The following FAIM variants were observed in gnomAD, a reference collection of about 807,000 sequenced individuals.
FAIM encodes the protein fas apoptotic inhibitory molecule 1.
In FAIM, 14 loss-of-function variants were observed where a neutral mutation model predicts 21.2. The ratio of observed to expected loss-of-function variants is 0.66; its 90% CI spans 0.44 to 1.03. The LOEUF (loss-of-function observed/expected upper bound fraction) is 1.03. FAIM is among the 50% of genes least tolerant of loss of function. The pLI, the probability that FAIM is intolerant of heterozygous loss-of-function variation, is 0.00. For missense variants in FAIM, 222 were observed against 247.1 expected (o/e 0.90, Z 0.68); for synonymous variants, 86 against 80.4 (o/e 1.07, Z -0.37).
At chr3:138,629,016 T>C (rs2042972379) in intron 4 of FAIM, 91 bp from the exon 5 acceptor site, 1 of 967,252 alleles carries the variant, frequency 1.0e-6, no homozygotes, top group African/African-American at 1.8e-5. Context: ...ATCTGGTATA[T>C]CAATCCTTTC....
At chr3:138,609,588 TCTCGA>T in intron 1 of FAIM, among the ~76,000 whole-genome samples, 1 of 30,700 alleles carries the variant, frequency 3.3e-5, no homozygotes, top group Admixed American at 6.1e-4. Flanking sequence ...ACTCTCTCTC[TCTCGA>T]CTCTCTCTCT....
Position 138,633,218 on chromosome 3 carries a change from G to T in FAIM, c.*139G>T. 1.4e-6 allele frequency: 1 copy of T among 717,282 alleles called. No individual in the cohort carries two copies. 44.4% of individuals were successfully genotyped at this position (717,282 alleles called of 1,614,324 possible). On this transcript the variant is annotated 3_prime_UTR_variant, in exon 6 of 6. Transcript: ENST00000360570. ...AAGTTACATGAAACTAACATTCCAA[G>T]GGTCAGGAAAAAAACCAATTATGTA...
intron 4 of FAIM, among the ~76,000 whole-genome samples, chr3:138,626,858 C>G (rs774642974): frequency 6.6e-6 from 1 of 152,172 alleles, no homozygotes; most frequent in South Asian, 2.1e-4. Context: ...GAACATGTAG[C>G]CAAACTTTTG....
intron 1 of FAIM, among the ~76,000 whole-genome samples, chr3:138,618,647 G>A (rs1286482372): frequency 6.6e-6 from 1 of 152,190 alleles, no homozygotes; most frequent in Non-Finnish European, 1.5e-5. Flanking sequence ...CAGCTTGGGG[G>A]ACAGAGTGAG....
At chr3:138,620,692 T>G (rs1403865999) in intron 2 of FAIM, among the ~76,000 whole-genome samples, 2 of 152,146 alleles carry the variant, frequency 1.3e-5, no homozygotes, top group East Asian at 3.9e-4. Flanking sequence ...TTTCACCATG[T>G]TGTCCAGGCT....
At chr3:138,626,352 C>T (rs539726515) in intron 4 of FAIM, among the ~76,000 whole-genome samples, 4 of 152,290 alleles carry the variant, frequency 2.6e-5, no homozygotes, top group South Asian at 2.1e-4. Flanking sequence ...TTGCTTCCAT[C>T]CCTGTTCCCA....
chr3:138,617,417 T>C (rs960276565), intron 1 of FAIM, among the ~76,000 whole-genome samples: 105 of 147,198 alleles, frequency 7.1e-4, no homozygotes, highest in African/African-American at 2.4e-3. Context: ...AATATGTATA[T>C]ATAATAAATA....
At chr3:138,623,485 C>T (rs1356741272) in intron 4 of FAIM, among the ~76,000 whole-genome samples, 1 of 152,168 alleles carries the variant, frequency 6.6e-6, no homozygotes, top group African/African-American at 2.4e-5. Context: ...CCAGCCTCAG[C>T]CTCCCGAGTA....
chr3:138,609,573 T>TCC (rs2042738771), intron 1 of FAIM, among the ~76,000 whole-genome samples: 2 of 90,168 alleles, frequency 2.2e-5, no homozygotes, highest in African/African-American at 4.4e-5. Context: ...TCTCTCTCTC[T>TCC]CTCGACTCTC....
At chr3:138,611,127 T>C (rs1378201755) in intron 1 of FAIM, 8 of 1,040,556 alleles carry the variant, frequency 7.7e-6, no homozygotes, top group Non-Finnish European at 1.2e-5. Context: ...GTTTATTAAA[T>C]TGAATTTGTA....
chr3:138,609,436 G>A (rs1156559709), intron 1 of FAIM, among the ~76,000 whole-genome samples: 2 of 151,854 alleles, frequency 1.3e-5, no homozygotes, highest in Non-Finnish European at 2.9e-5. Context: ...CCAGAGACAA[G>A]CTGCGTTAAC....
chr3:138,625,151 T>A (rs1001803836), intron 4 of FAIM, among the ~76,000 whole-genome samples: 3 of 149,178 alleles, frequency 2.0e-5, no homozygotes, highest in Non-Finnish European at 4.4e-5. Flanking sequence ...GATGACAGAG[T>A]GAGACCCTGC....
chr3:138,612,096 ATTTTTTTTTT>A (rs138371254), intron 1 of FAIM, among the ~76,000 whole-genome samples: 2 of 100,810 alleles, frequency 2.0e-5, no homozygotes, highest in African/African-American at 7.8e-5. Flanking sequence ...TTGTCTGGCT[ATTTTTTTTTT>A]TTTTTTTTTT....
intron 1 of FAIM, among the ~76,000 whole-genome samples, chr3:138,611,790 T>A (rs1344942469): frequency 1.3e-5 from 2 of 152,154 alleles, no homozygotes; most frequent in Non-Finnish European, 2.9e-5. Flanking sequence ...GGTCACATGC[T>A]CTCTACACAG....
intron 4 of FAIM, among the ~76,000 whole-genome samples, chr3:138,627,993 C>G (rs934360054): frequency 5.9e-5 from 9 of 152,138 alleles, no homozygotes; most frequent in African/African-American, 1.2e-4. Flanking sequence ...CACTGTAATA[C>G]CCAAAGCTCA....
chr3:138,629,720 A>G (rs974400672), intron 5 of FAIM: 9 of 152,238 alleles, frequency 5.9e-5, no homozygotes, highest in African/African-American at 1.9e-4. Flanking sequence ...ACACGAAGGT[A>G]GACGAACAGG....
Position 138,621,482 on chromosome 3 carries a change from G to A in FAIM, c.120G>A (p.Lys40=). The part of the protein sequence containing the change: ...WDVALSDGVH[K]IEFEHGTTSG... The stretch of plus-strand genomic sequence containing the variant: ...TTGCTTTAAGTGACGGAGTCCACAA[G>A]ATCGAATTTGAACATGGGACTACAT... Residue 40 remains lysine (K), a synonymous_variant, in exon 3 of 6, where the codon AAG becomes AAA. Coordinates refer to ENST00000360570, the MANE Select transcript of FAIM (RefSeq NM_001033031.2). The A allele has an allele frequency of 1.2e-6, 2 of 1,613,982 alleles. No individual in the cohort carries two copies. The highest frequency in any genetic ancestry group is 4.5e-5 in the East Asian group (2 of 44,850).
intron 2 of FAIM, 96 bp downstream of exon 2, chr3:138,619,866 C>A: frequency 8.0e-7 from 1 of 1,242,256 alleles, no homozygotes. Context: ...GTTAAGAATA[C>A]ATTTTGTAAA....
intron 1 of FAIM, among the ~76,000 whole-genome samples, chr3:138,617,817 C>A: frequency 6.9e-6 from 1 of 144,224 alleles, no homozygotes; most frequent in Non-Finnish European, 1.5e-5. Context: ...GACATAGATA[C>A]TATTTATATA....
Sources: gnomAD v4.1 joint callset for allele counts (sites outside exome capture counted in the v4.1 genomes callset) on GRCh38, gnomAD v4.1.1 for gene constraint, MANE v1.5 for transcripts, NCBI Gene and HGNC (gene_info 2026-07-23, HGNC 2026-07-21) for gene names.